Variants in CORO1C observed in about 807,000 individuals in gnomAD.
CORO1C encodes the protein coronin 1C.
CORO1C carries 14 observed loss-of-function variants against 51.2 expected under a neutral mutation model. The observed-to-expected ratio is 0.27, with a 90% CI of 0.18 to 0.43. The LOEUF is 0.43. CORO1C is among the 20% of genes least tolerant of loss of function. The pLI is 1.00. For missense variants in CORO1C, 417 were observed against 607.8 expected, an observed-to-expected ratio of 0.69 and a Z score of 3.30; for synonymous variants, 181 against 210.5, an observed-to-expected ratio of 0.86 and a Z score of 1.21.
intron 1 of CORO1C, among the ~76,000 whole-genome samples, chr12:108,704,939 T>G (rs1033414387): frequency 6.6e-6 from 1 of 152,194 alleles, no homozygotes; most frequent in African/African-American, 2.4e-5. Flanking sequence ...GCATATAAAG[T>G]TGAAGTGATC....
intron 1 of CORO1C, among the ~76,000 whole-genome samples, chr12:108,706,645 A>G (rs1361874781): frequency 6.6e-6 from 1 of 152,122 alleles, no homozygotes; most frequent in Non-Finnish European, 1.5e-5. Flanking sequence ...CCCAGGGTGG[A>G]GCGCAGTGGT....
chr12:108,724,041 A>C (rs1314788706), intron 1 of CORO1C, among the ~76,000 whole-genome samples: 1 of 152,250 alleles, frequency 6.6e-6, no homozygotes. Context: ...GGTTTATCCA[A>C]GAGATATCAT....
chr12:108,680,755 C>G (rs1028085468), intron 2 of CORO1C, among the ~76,000 whole-genome samples: 11 of 152,220 alleles, frequency 7.2e-5, no homozygotes, highest in African/African-American at 2.7e-4. Context: ...TACCACATTT[C>G]TGATGGTGTC....
At chr12:108,682,828 A>C (rs1477650581) in intron 2 of CORO1C, among the ~76,000 whole-genome samples, 4 of 152,200 alleles carry the variant, frequency 2.6e-5, no homozygotes, top group African/African-American at 9.6e-5. Context: ...GCATCTTCTG[A>C]GTATAATGCA....
At chr12:108,720,831 C>T (rs1177261131) in intron 1 of CORO1C, among the ~76,000 whole-genome samples, 1 of 152,078 alleles carries the variant, frequency 6.6e-6, no homozygotes, top group Non-Finnish European at 1.5e-5. Flanking sequence ...CAAATATTTA[C>T]AATTAGTAGT....
chr12:108,649,882 TG>T (rs1477698223), intron 8 of CORO1C, among the ~76,000 whole-genome samples: 1 of 152,178 alleles, frequency 6.6e-6, no homozygotes, highest in African/African-American at 2.4e-5. Flanking sequence ...TCAATGCTGC[TG>T]GGGAAATGTT....
chr12:108,648,659 G>C lies in CORO1C; in HGVS notation c.1251C>G (p.Asn417Lys), dbSNP rs1374726121. 1 of 1,614,114 alleles carries C rather than the reference G, an allele frequency of 6.2e-7. No individual in the cohort carries two copies. The highest frequency in any genetic ancestry group is 8.5e-7 in the Non-Finnish European group (1 of 1,180,050). ...KNILDSKPTA[N>K]KKCDLISIPK... Reference sequence around the variant, plus strand: ...GGATGCTGATCAGGTCGCACTTCTTGTTTGCAGTGGGCTTGCTATCCAGAA... The same window carrying C: ...GGATGCTGATCAGGTCGCACTTCTTCTTTGCAGTGGGCTTGCTATCCAGAA... The change falls in exon 10 of 11, where the codon AAC (asparagine) becomes AAG (lysine). Residue 417 changes from asparagine to lysine, a missense_variant. By Grantham distance (94) the Asn-to-Lys change is moderately conservative. Transcript: ENST00000261401.
chr12:108,668,342 T>C (rs2033574973), intron 3 of CORO1C: 1 of 152,240 alleles, frequency 6.6e-6, no homozygotes, highest in South Asian at 2.1e-4. Context: ...ATGGCCCAGA[T>C]GCAATCTGTA....
rs1015544883 is a variant in CORO1C at position 108,657,299 on chromosome 12, C to T, written c.750+5G>A. On this transcript the variant is annotated splice_donor_5th_base_variant and intron_variant, in intron 6 of 10. Transcript: ENST00000261401. ...AAGCAAGTGGAAAGCCTGGGGAGGGCGTACCGGATTCCAGAGAGCCAGCTG... is the reference window on the plus strand; with the variant it reads ...AAGCAAGTGGAAAGCCTGGGGAGGGTGTACCGGATTCCAGAGAGCCAGCTG... 6.2e-6 allele frequency: 10 copies of T among 1,613,058 alleles called. No individual in the cohort carries two copies. Among genetic ancestry groups the T allele is most frequent in the East Asian group, 2.2e-5 (1 of 44,824 alleles).
At chr12:108,729,466 C>T (rs1400166139) in intron 1 of CORO1C, among the ~76,000 whole-genome samples, 2 of 152,156 alleles carry the variant, frequency 1.3e-5, no homozygotes, top group African/African-American at 4.8e-5. Flanking sequence ...AAGATAGGTT[C>T]TATATTTGTC....
intron 2 of CORO1C, among the ~76,000 whole-genome samples, chr12:108,681,814 G>T (rs963625633): frequency 6.6e-6 from 1 of 152,042 alleles, no homozygotes; most frequent in Non-Finnish European, 1.5e-5. Context: ...AAACAACAGT[G>T]AGCAAATAAA....
rs1443351239 is a variant in CORO1C at position 108,701,315 on chromosome 12, T to A, written c.4A>T (p.Arg2Trp). 6.2e-7 allele frequency: 1 copy of A among 1,614,200 alleles called. No individual in the cohort carries two copies. The highest frequency in any genetic ancestry group is 1.7e-5 in the Admixed American group (1 of 60,024). The change falls in exon 2 of 11, where the codon AGG becomes TGG. Residue 2 changes from arginine to tryptophan, a missense_variant. Physicochemically the swap from Arg to Trp is moderately radical, Grantham distance 101. Transcript: ENST00000261401. M[R>W]RVVRQSKFRH... is the part of the protein sequence containing the mutation. ...AACTTGCTCTGTCGTACCACTCGCC[T>A]CATCGTGTCTGCAAAGGAAGAGTGA... is the stretch of plus-strand genomic sequence containing the variant.
At chr12:108,708,763 A>T (rs554701926) in intron 1 of CORO1C, among the ~76,000 whole-genome samples, 2 of 151,732 alleles carry the variant, frequency 1.3e-5, no homozygotes, top group African/African-American at 2.4e-5. Flanking sequence ...TGCTCGGTCT[A>T]TTTATTATTT....
chr12:108,690,175 T>C (rs1365908286), intron 2 of CORO1C, among the ~76,000 whole-genome samples: 1 of 152,238 alleles, frequency 6.6e-6, no homozygotes, highest in East Asian at 1.9e-4. Flanking sequence ...GTGCACACAA[T>C]ATATGACTTG....
chr12:108,681,352 T>G (rs1321202773), intron 2 of CORO1C, among the ~76,000 whole-genome samples: 1 of 152,230 alleles, frequency 6.6e-6, no homozygotes, highest in East Asian at 1.9e-4. Flanking sequence ...AGATTTAAGA[T>G]GCACAAATCC....
intron 6 of CORO1C, among the ~76,000 whole-genome samples, chr12:108,656,274 G>A (rs1294379239): frequency 8.0e-5 from 12 of 149,140 alleles, no homozygotes; most frequent in East Asian, 6.2e-4. Flanking sequence ...CAGCCACCCC[G>A]TCCGGGAGGG....
intron 8 of CORO1C, among the ~76,000 whole-genome samples, chr12:108,650,108 G>C (rs1799346676): frequency 6.6e-6 from 1 of 151,026 alleles, no homozygotes; most frequent in Non-Finnish European, 1.5e-5. Context: ...CTCTTTAAAA[G>C]GAAGGTTGTG....
chr12:108,727,877 C>T (rs905500372), intron 1 of CORO1C, among the ~76,000 whole-genome samples: 4 of 152,186 alleles, frequency 2.6e-5, no homozygotes, highest in Non-Finnish European at 4.4e-5. Context: ...AATACATGAA[C>T]AACTTTTATA....
At chr12:108,707,509 T>C (rs1026221902) in intron 1 of CORO1C, among the ~76,000 whole-genome samples, 1 of 152,118 alleles carries the variant, frequency 6.6e-6, no homozygotes, top group African/African-American at 2.4e-5. Context: ...GACCTAGACA[T>C]AAGAGCTAAA....
Sources: allele counts gnomAD v4.1 joint callset (sites outside exome capture counted in the v4.1 genomes callset), GRCh38; gene constraint gnomAD v4.1.1; transcripts MANE v1.5; gene names NCBI Gene and HGNC (gene_info 2026-07-23, HGNC 2026-07-21).